Variants in CMIP observed in about 807,000 individuals in gnomAD.
CMIP encodes the protein c-Maf inducing protein, also known as C-Maf-inducing protein.
In CMIP, 13 loss-of-function variants were observed where a neutral mutation model predicts 97.3. The ratio of observed to expected loss-of-function variants is 0.13; its 90% CI spans 0.09 to 0.21. The LOEUF is 0.21. Among genes scored for constraint, CMIP ranks in the 10% least tolerant of loss-of-function variants. The pLI, the probability that CMIP is intolerant of heterozygous loss-of-function variation, is 1.00. For synonymous variants in CMIP, 538 were observed against 436.3 expected (o/e 1.23, Z -2.91); for missense variants, 847 against 1,024.9 (o/e 0.83, Z 2.37).
rs562453552 is a variant in CMIP, at chr16:81,603,887, T to C, written c.301-3680T>C. ...TTGTTCCAGGTACTGTGCTGAGTCC[T>C]TGATAAACTGGATCTCTGGTAATGC... On this transcript the variant is annotated intron_variant, in intron 1 of 20. Transcript: ENST00000537098. Among the ~76,000 whole-genome samples the C allele has an allele frequency of 1.5e-4, 23 of 152,350 alleles. No homozygotes were observed. In the East Asian group the frequency reaches 4.4e-3, roughly 29 times the overall value.
chr16:81,612,259 G>C (rs1375898120), intron 2 of CMIP, among the ~76,000 whole-genome samples: 2 of 152,156 alleles, frequency 1.3e-5, no homozygotes, highest in East Asian at 3.9e-4. Flanking sequence ...AGACAGAGCC[G>C]CTGCTCCACA....
At chr16:81,448,299 A>T (rs62043926) in intron 1 of CMIP, among the ~76,000 whole-genome samples, 3 of 152,178 alleles carry the variant, frequency 2.0e-5, no homozygotes, top group African/African-American at 7.2e-5. Flanking sequence ...GATTCAAACC[A>T]ATAAACAAGC....
At chr16:81,704,523 AC>A (rs1448469379) in intron 18 of CMIP, among the ~76,000 whole-genome samples, 1 of 2,658 alleles carries the variant, frequency 3.8e-4, no homozygotes. Context: ...CTTTCCCCTC[AC>A]CCTCCTCCCT....
At chr16:81,664,410 T>G in intron 7 of CMIP, 61 bp downstream of exon 7, 2 of 1,489,164 alleles carry the variant, frequency 1.3e-6, no homozygotes, top group Non-Finnish European at 9.1e-7. Flanking sequence ...CCCGCGCGCC[T>G]CCCTGGCCTT....
At chr16:81,638,252 G>A (rs367675155) in intron 3 of CMIP, among the ~76,000 whole-genome samples, 10 of 152,284 alleles carry the variant, frequency 6.6e-5, no homozygotes, top group East Asian at 1.9e-4. Context: ...GATCCCAAAC[G>A]TGGGATGTTG....
intron 9 of CMIP, among the ~76,000 whole-genome samples, chr16:81,677,952 C>A (rs1021979199): frequency 6.6e-6 from 1 of 152,236 alleles, no homozygotes; most frequent in African/African-American, 2.4e-5. Flanking sequence ...TGCCAAGAGC[C>A]TTATGGCTGT....
At chr16:81,649,902 T>A (rs2092407499) in intron 3 of CMIP, among the ~76,000 whole-genome samples, 3 of 152,244 alleles carry the variant, frequency 2.0e-5, no homozygotes, top group African/African-American at 7.2e-5. Context: ...GGAGCATTCA[T>A]CCTCTGGAGC....
intron 20 of CMIP, among the ~76,000 whole-genome samples, chr16:81,708,877 T>C (rs1373980694): frequency 6.6e-6 from 1 of 152,156 alleles, no homozygotes; most frequent in East Asian, 1.9e-4. Flanking sequence ...AGCGAGGAAT[T>C]GCATGTGCAT....
chr16:81,662,026 C>T (rs1597211827), intron 6 of CMIP, among the ~76,000 whole-genome samples: 1 of 152,162 alleles, frequency 6.6e-6, no homozygotes, highest in African/African-American at 2.4e-5. Flanking sequence ...GGTGTGGATA[C>T]ACACAGGCCC....
At position 81,655,033 on chromosome 16, in the gene CMIP, T is replaced by G. The variant is rs1319306205; in HGVS notation, c.639+2669T>G. ...AGTACCTATTTCACAGAATTGAAGA[T>G]GCGATCCTCTCATATGCATAAAGTG... On this transcript the variant is annotated intron_variant, in intron 4 of 20. Coordinates refer to ENST00000537098, the MANE Select transcript of CMIP (RefSeq NM_198390.3). This position sits in a 1 kb window ranked among gnomAD's most constrained non-coding sequence, Gnocchi z 4.9. 6.6e-6 allele frequency among the ~76,000 whole-genome samples: 1 copy of G among 152,200 alleles called. No individual in the cohort carries two copies. Among genetic ancestry groups the G allele is most frequent in the African/African-American group, 2.4e-5 (1 of 41,436 alleles).
At chr16:81,549,967 G>A (rs1319218444) in intron 1 of CMIP, among the ~76,000 whole-genome samples, 2 of 152,220 alleles carry the variant, frequency 1.3e-5, no homozygotes, top group East Asian at 1.9e-4. Context: ...AGCCTGTGCC[G>A]TCCAAGTGCC....
intron 1 of CMIP, among the ~76,000 whole-genome samples, chr16:81,592,594 T>C (rs2091482616): frequency 6.6e-6 from 1 of 152,182 alleles, no homozygotes; most frequent in Non-Finnish European, 1.5e-5. Context: ...ACCCTGCTCA[T>C]CCTGGGGCTC....
chr16:81,557,086 T>G (rs771369643), intron 1 of CMIP, among the ~76,000 whole-genome samples: 3 of 152,232 alleles, frequency 2.0e-5, no homozygotes, highest in Non-Finnish European at 2.9e-5. Context: ...TGTTCCATGG[T>G]CTGAAAGGTG....
intron 9 of CMIP, among the ~76,000 whole-genome samples, chr16:81,676,797 G>C (rs567054100): frequency 1.3e-5 from 2 of 152,130 alleles, no homozygotes; most frequent in Admixed American, 1.3e-4. Flanking sequence ...GGCTATTCAC[G>C]TGCCCCCTCC....
At chr16:81,667,252 A>G (rs1225093765) in intron 7 of CMIP, 1 of 152,170 alleles carries the variant, frequency 6.6e-6, no homozygotes, top group Non-Finnish European at 1.5e-5. Context: ...TCTTTACTAG[A>G]CTGAAATAAA....
intron 2 of CMIP, chr16:81,610,354 A>G: frequency 1.0e-6 from 1 of 985,550 alleles, no homozygotes; most frequent in Middle Eastern, 5.2e-4. Flanking sequence ...CTGCTCCAGC[A>G]TCCCACTTGC....
intron 1 of CMIP, among the ~76,000 whole-genome samples, chr16:81,549,730 G>A (rs1329979361): frequency 2.0e-5 from 3 of 152,340 alleles, no homozygotes; most frequent in East Asian, 3.9e-4. Context: ...TGGGCAGACC[G>A]AGCCCAGAGC....
chr16:81,492,985 C>T (rs2089429101), intron 1 of CMIP, among the ~76,000 whole-genome samples: 1 of 152,082 alleles, frequency 6.6e-6, no homozygotes, highest in Non-Finnish European at 1.5e-5. Context: ...AGTAGGAGGG[C>T]ATTGCTCCCT....
intron 7 of CMIP, among the ~76,000 whole-genome samples, chr16:81,669,168 C>T (rs576654607): frequency 8.9e-5 from 11 of 123,560 alleles, no homozygotes; most frequent in African/African-American, 2.9e-4. Context: ...CCCCTCTCAC[C>T]TCCTTCCACA....
Sources: gnomAD v4.1 joint callset for allele counts (sites outside exome capture counted in the v4.1 genomes callset) on GRCh38, gnomAD v4.1.1 for gene constraint, Gnocchi (gnomAD v3.1) non-coding constraint, MANE v1.5 for transcripts, NCBI Gene and HGNC (gene_info 2026-07-23, HGNC 2026-07-21) for gene names.